Variants in PDZD2 observed in about 807,000 individuals in gnomAD.
PDZD2 encodes the protein PDZ domain containing 2.
In PDZD2, 90 loss-of-function variants were observed where a neutral mutation model predicts 220.7. The observed-to-expected ratio is 0.41, with a 90% CI of 0.34 to 0.49. The LOEUF is 0.49. Among genes scored for constraint, PDZD2 ranks in the 20% least tolerant of loss-of-function variants. The pLI is 0.28. For synonymous variants in PDZD2, 1,375 were observed against 1,450.5 expected, an observed-to-expected ratio of 0.95 and a Z score of 1.18; for missense variants, 3,174 against 3,608.5, an observed-to-expected ratio of 0.88 and a Z score of 3.08.
Position 32,014,706 on chromosome 5 carries a change from C to CTTTTTTTTTTTTTTTTTTTTT in PDZD2, c.1407+4232_1407+4252dup, listed in dbSNP as rs556276502. Reference sequence around the variant, plus strand: ...ATTTTCTGCTCTGCAATGACAATTTCTTTTTTTTTTTTTTTTTTTTTTTTT... The same window carrying CTTTTTTTTTTTTTTTTTTTTT: ...ATTTTCTGCTCTGCAATGACAATTTCTTTTTTTTTTTTTTTTTTTTTTTTTTTTTTTTTTTTTTTTTTTTTT... On this transcript the variant is annotated intron_variant, in intron 6 of 24. Transcript: ENST00000438447. 1.7e-3 allele frequency among the ~76,000 whole-genome samples: 160 copies of CTTTTTTTTTTTTTTTTTTTTT among 95,426 alleles called. 42 individuals carry two copies. The highest frequency in any genetic ancestry group is 6.5e-3 in the African/African-American group (150 of 22,902). 62.6% of individuals were successfully genotyped at this position (95,426 alleles called of 152,430 possible).
At chr5:32,034,199 TCAGA>T (rs1755345559) in intron 6 of PDZD2, among the ~76,000 whole-genome samples, 4 of 152,100 alleles carry the variant, frequency 2.6e-5, no homozygotes, top group Non-Finnish European at 5.9e-5. Flanking sequence ...CATGAGCATC[TCAGA>T]CAGACTTTCC....
At chr5:31,910,479 C>T (rs1343618268) in intron 2 of PDZD2, among the ~76,000 whole-genome samples, 1 of 150,742 alleles carries the variant, frequency 6.6e-6, no homozygotes. Flanking sequence ...CAAATTCCGC[C>T]TCCTGGGTTC....
rs756548601 is a variant in PDZD2 at position 31,797,094 on chromosome 5, A to ATTTT, written c.-360-1768_-360-1765dup. ...AGGCGCCCGCCACCACACCCAGCTAATTTTTTTTTTTTTTTTTTTTTTTTT... is the reference window on the plus strand; with the variant it reads ...AGGCGCCCGCCACCACACCCAGCTAATTTTTTTTTTTTTTTTTTTTTTTTTTTTT... On this transcript the variant is annotated intron_variant, in intron 1 of 24. Transcript: ENST00000438447. 9.9e-3 allele frequency among the ~76,000 whole-genome samples: 657 copies of ATTTT among 66,544 alleles called. 34 individuals are homozygous for ATTTT. Among genetic ancestry groups the ATTTT allele is most frequent in the Middle Eastern group, 0.014 (1 of 72 alleles). The allele number at this position is 66,544 out of a possible 152,430, so 43.7% of individuals were successfully genotyped here. A position where few individuals can be genotyped will look rare whatever the true frequency, so the allele number is the denominator to read the frequency against.
chr5:31,905,263 C>T (rs550137290), intron 2 of PDZD2, among the ~76,000 whole-genome samples: 5 of 152,164 alleles, frequency 3.3e-5, no homozygotes, highest in Non-Finnish European at 7.3e-5. Flanking sequence ...GGATTACAGG[C>T]GTGAGCCACC....
intron 1 of PDZD2, among the ~76,000 whole-genome samples, chr5:31,676,643 T>G (rs1001861224): frequency 1.4e-5 from 2 of 148,064 alleles, no homozygotes; most frequent in African/African-American, 5.0e-5. Context: ...AACCTCCGCC[T>G]CCTGGGTCCA....
intron 5 of PDZD2, among the ~76,000 whole-genome samples, chr5:32,007,545 G>A (rs1752928988): frequency 6.6e-6 from 1 of 152,126 alleles, no homozygotes; most frequent in South Asian, 2.1e-4. Flanking sequence ...TACTTTGAAG[G>A]TGGAACCAAC....
At chr5:31,962,319 G>A (rs1748320254) in intron 2 of PDZD2, among the ~76,000 whole-genome samples, 1 of 152,100 alleles carries the variant, frequency 6.6e-6, no homozygotes, top group African/African-American at 2.4e-5. Context: ...CAAAGTACCT[G>A]GAGGCCGTCC....
intron 1 of PDZD2, among the ~76,000 whole-genome samples, chr5:31,738,100 T>C (rs1328234225): frequency 1.3e-5 from 2 of 152,190 alleles, no homozygotes; most frequent in East Asian, 3.9e-4. Flanking sequence ...ATCTACAATG[T>C]ATTCAGATCA....
At chr5:32,034,000 C>CT (rs1391327920) in intron 6 of PDZD2, among the ~76,000 whole-genome samples, 1 of 152,162 alleles carries the variant, frequency 6.6e-6, no homozygotes, top group Non-Finnish European at 1.5e-5. Context: ...CTGAATCTGT[C>CT]TATCATGACC....
At chr5:31,751,536 C>T (rs547376161) in intron 1 of PDZD2, among the ~76,000 whole-genome samples, 7 of 152,162 alleles carry the variant, frequency 4.6e-5, no homozygotes, top group Admixed American at 3.3e-4. Context: ...TCAGGAATTG[C>T]GTGGAAAGAT....
chr5:31,865,582 G>T (rs1738137839), intron 2 of PDZD2, among the ~76,000 whole-genome samples: 3 of 147,034 alleles, frequency 2.0e-5, no homozygotes, highest in Admixed American at 6.8e-5. Flanking sequence ...AAAGTGCTGG[G>T]ATTACAGGTG....
chr5:31,903,092 C>T (rs1048112167), intron 2 of PDZD2, among the ~76,000 whole-genome samples: 4 of 151,346 alleles, frequency 2.6e-5, no homozygotes, highest in East Asian at 2.0e-4. Flanking sequence ...GTCAGGAGTT[C>T]GAGACCAGCC....
chr5:31,974,340 T>C lies in PDZD2; in HGVS notation c.477-8815T>C, dbSNP rs923313062. Among the ~76,000 whole-genome samples the C allele has an allele frequency of 4.6e-5, 7 of 151,104 alleles. No homozygotes were observed. The South Asian group carries it at 1.5e-3, about 32-fold the overall frequency. On this transcript the variant is annotated intron_variant, in intron 2 of 24. Transcript: ENST00000438447. ...CAGGCTGGGCGACAGAGTGAGATCT[T>C]GTCTCACAAAAAAGAAAAAAGAAAA...
intron 2 of PDZD2, among the ~76,000 whole-genome samples, chr5:31,959,441 C>A (rs551384416): frequency 6.6e-6 from 1 of 151,932 alleles, no homozygotes; most frequent in South Asian, 2.1e-4. Context: ...TCACTGCAAC[C>A]TCCTTCTCTT....
chr5:31,874,505 A>T (rs539879138), intron 2 of PDZD2, among the ~76,000 whole-genome samples: 1 of 152,120 alleles, frequency 6.6e-6, no homozygotes, highest in East Asian at 1.9e-4. Context: ...TCACACCTGT[A>T]ATCCCAGCAC....
chr5:32,051,636 C>T (rs966968065), intron 8 of PDZD2, among the ~76,000 whole-genome samples: 31 of 152,062 alleles, frequency 2.0e-4, no homozygotes, highest in African/African-American at 7.2e-4. Flanking sequence ...TTCTAAGGAG[C>T]GCAGCCTGCT....
At chr5:31,930,839 G>T (rs1045830835) in intron 2 of PDZD2, among the ~76,000 whole-genome samples, 6 of 152,112 alleles carry the variant, frequency 3.9e-5, no homozygotes, top group African/African-American at 1.4e-4. Context: ...GGAGGCCAAG[G>T]CTAGTGGATC....
At chr5:31,844,630 A>T (rs1757493627) in intron 2 of PDZD2, among the ~76,000 whole-genome samples, 1 of 152,192 alleles carries the variant, frequency 6.6e-6, no homozygotes, top group South Asian at 2.1e-4. Flanking sequence ...ATTCAAATTT[A>T]ACTGGGTCGC....
rs549033998 is a variant in PDZD2, at chr5:32,008,182, T to C, written c.1255-2148T>C. ...AAATAAATAAATAAATGGAGTCTTA[T>C]TCCATGTATTTTTGTTGACCTTTAA... is the stretch of plus-strand genomic sequence containing the variant. On this transcript the variant is annotated intron_variant, in intron 5 of 24. Transcript: ENST00000438447. Among the ~76,000 whole-genome samples, 3 of 150,308 alleles carry C rather than the reference T, an allele frequency of 2.0e-5. No individual in the cohort carries two copies. The East Asian group carries it at 5.8e-4, about 29-fold the overall frequency.
Sources: allele counts gnomAD v4.1 joint callset (sites outside exome capture counted in the v4.1 genomes callset), GRCh38; gene constraint gnomAD v4.1.1; transcripts MANE v1.5; gene names NCBI Gene and HGNC (gene_info 2026-07-23, HGNC 2026-07-21).